Variants in QTMAN observed in about 807,000 individuals in gnomAD.
The protein encoded by QTMAN is tRNA-queuosine alpha-mannosyltransferase.
chr2:144,305,367 T>C, the QTMAN span, among the ~76,000 whole-genome samples: 1 of 152,236 alleles, frequency 6.6e-6, no homozygotes, highest in East Asian at 1.9e-4. Context: ...CTATTCTTTC[T>C]TTATTAAATT....
At chr2:144,121,196 G>C in the QTMAN span, among the ~76,000 whole-genome samples, 1 of 152,148 alleles carries the variant, frequency 6.6e-6, no homozygotes, top group Non-Finnish European at 1.5e-5. Flanking sequence ...TCTAGGGATA[G>C]TGGACTGGGC....
the QTMAN span, among the ~76,000 whole-genome samples, chr2:144,301,496 T>C: frequency 3.9e-5 from 6 of 152,200 alleles, no homozygotes; most frequent in Non-Finnish European, 4.4e-5. Context: ...GTGCTGGGAT[T>C]ACAGGCATGA....
chr2:143,945,950 G>A, the QTMAN span: 1 of 152,172 alleles, frequency 6.6e-6, no homozygotes, highest in African/African-American at 2.4e-5. Context: ...TCTGTCACAA[G>A]GAAAACGTTC....
the QTMAN span, among the ~76,000 whole-genome samples, chr2:144,193,028 C>T: frequency 6.6e-6 from 1 of 152,144 alleles, no homozygotes; most frequent in Non-Finnish European, 1.5e-5. Context: ...TGTGAAATAA[C>T]TACTTTGTAT....
At chr2:144,191,506 G>A in the QTMAN span, among the ~76,000 whole-genome samples, 1 of 152,026 alleles carries the variant, frequency 6.6e-6, no homozygotes, top group African/African-American at 2.4e-5. Flanking sequence ...TCCTATTTAG[G>A]TCTTATCTGG....
the QTMAN span, among the ~76,000 whole-genome samples, chr2:144,125,487 G>A: frequency 4.5e-4 from 68 of 151,896 alleles, no homozygotes; most frequent in Admixed American, 2.4e-3. Flanking sequence ...CCTTCACTTC[G>A]TACCCTAACC....
chr2:144,264,630 G>A, the QTMAN span, among the ~76,000 whole-genome samples: 80 of 152,294 alleles, frequency 5.3e-4, no homozygotes, highest in African/African-American at 1.8e-3. Context: ...TGGGAAATAC[G>A]GGTGAGGCTA....
chr2:144,315,312 A>C, the QTMAN span, among the ~76,000 whole-genome samples: 1 of 152,254 alleles, frequency 6.6e-6, no homozygotes, highest in Non-Finnish European at 1.5e-5. Context: ...ACAAACTTAT[A>C]GCCTAAGTCA....
chr2:143,984,734 A>G, the QTMAN span, among the ~76,000 whole-genome samples: 1 of 152,180 alleles, frequency 6.6e-6, no homozygotes, highest in Non-Finnish European at 1.5e-5. Flanking sequence ...CTGAACATCG[A>G]GAGGAGAAGC....
chr2:144,328,955 GT>G, the QTMAN span, among the ~76,000 whole-genome samples: 3 of 151,420 alleles, frequency 2.0e-5, no homozygotes, highest in Non-Finnish European at 4.4e-5. Context: ...ATTTTCCTCA[GT>G]TTTTTTTTAA....
the QTMAN span, among the ~76,000 whole-genome samples, chr2:144,210,477 G>A: frequency 6.6e-6 from 1 of 152,166 alleles, no homozygotes; most frequent in Non-Finnish European, 1.5e-5. Flanking sequence ...GATGAGGAAA[G>A]TGGATATACA....
chr2:144,223,606 A>G, the QTMAN span, among the ~76,000 whole-genome samples: 3 of 152,252 alleles, frequency 2.0e-5, no homozygotes, highest in Admixed American at 6.5e-5. Context: ...TAAAAGCCAT[A>G]TAACAATATT....
chr2:144,037,258 A>G, the QTMAN span, among the ~76,000 whole-genome samples: 1 of 152,214 alleles, frequency 6.6e-6, no homozygotes, highest in Non-Finnish European at 1.5e-5. Flanking sequence ...ACACCACTGA[A>G]TTCTTTACTT....
the QTMAN span, among the ~76,000 whole-genome samples, chr2:144,103,850 G>A: frequency 6.6e-6 from 1 of 152,174 alleles, no homozygotes; most frequent in Non-Finnish European, 1.5e-5. Context: ...AGCACTTTGG[G>A]AGGTGGAGGT....
chr2:144,103,651 TAAAAC>T, the QTMAN span, among the ~76,000 whole-genome samples: 1 of 151,914 alleles, frequency 6.6e-6, no homozygotes, highest in Non-Finnish European at 1.5e-5. Context: ...TAAAATAAAA[TAAAAC>T]AAAATAAAAT....
At chr2:144,038,262 T>C in the QTMAN span, among the ~76,000 whole-genome samples, 9 of 152,168 alleles carry the variant, frequency 5.9e-5, no homozygotes. Flanking sequence ...AAGTTGTACA[T>C]ACTTTGGGAC....
At chr2:144,215,281 CACACACACACACACACATATATATATAT>C in the QTMAN span, among the ~76,000 whole-genome samples, 1 of 149,782 alleles carries the variant, frequency 6.7e-6, no homozygotes, top group Middle Eastern at 3.5e-3. Flanking sequence ...TATACACACA[CACACACACACACACACATATATATATAT>C]ACACACACAC....
chr2:144,081,770 A>T, the QTMAN span, among the ~76,000 whole-genome samples: 1 of 152,166 alleles, frequency 6.6e-6, no homozygotes, highest in Non-Finnish European at 1.5e-5. Flanking sequence ...AATTTCTCTG[A>T]AAGAAGCCTG....
the QTMAN span, among the ~76,000 whole-genome samples, chr2:144,210,053 T>C: frequency 3.9e-4 from 35 of 90,440 alleles, no homozygotes; most frequent in African/African-American, 1.4e-3. Flanking sequence ...CTATATATTA[T>C]GTGGGCGGGG....
Sources: allele counts gnomAD v4.1 joint callset (sites outside exome capture counted in the v4.1 genomes callset), GRCh38; gene constraint gnomAD v4.1.1; transcripts MANE v1.5; gene names NCBI Gene and HGNC (gene_info 2026-07-23, HGNC 2026-07-21).